The following RBM19 variants were observed in gnomAD, a reference collection of about 807,000 sequenced individuals.
RBM19 encodes the protein probable RNA-binding protein 19.
Under a neutral mutation model 116.8 loss-of-function variants are expected in RBM19, and 94 were observed. That is an observed-to-expected ratio of 0.80 (90% CI 0.68 to 0.95). The LOEUF is 0.95. Ranked by LOEUF, RBM19 falls within the 40% of genes least tolerant of loss-of-function variation. The pLI is 0.00. For synonymous variants in RBM19, 475 were observed against 494.1 expected (o/e 0.96, Z 0.51); for missense variants, 1,161 against 1,220.7 (o/e 0.95, Z 0.73).
chr12:113,947,235 T>C, intron 11 of RBM19, 99 bp downstream of exon 11: 3 of 1,398,988 alleles, frequency 2.1e-6, no homozygotes, highest in Non-Finnish European at 2.9e-6. Flanking sequence ...GCCCACAAAG[T>C]GGACGCCCGT....
chr12:113,961,753 C>T (rs541630526), intron 2 of RBM19, among the ~76,000 whole-genome samples: 1 of 152,330 alleles, frequency 6.6e-6, no homozygotes, highest in South Asian at 2.1e-4. Context: ...TGGGGCTCAC[C>T]CTATCATAGC....
chr12:113,923,673 C>T (rs561371830), intron 18 of RBM19, among the ~76,000 whole-genome samples: 1 of 152,250 alleles, frequency 6.6e-6, no homozygotes, highest in East Asian at 1.9e-4. Context: ...TGAGTGGCCT[C>T]TGAACACCTT....
chr12:113,872,417 C>CCAGCCGCCCCGT, intron 21 of RBM19, among the ~76,000 whole-genome samples: 1 of 145,824 alleles, frequency 6.9e-6, no homozygotes, highest in African/African-American at 2.5e-5. Context: ...CTCCGCCCGG[C>CCAGCCGCCCCGT]CAGCCGCCCC....
At chr12:113,933,595 C>T (rs1011997895) in intron 16 of RBM19, among the ~76,000 whole-genome samples, 7 of 152,200 alleles carry the variant, frequency 4.6e-5, no homozygotes, top group African/African-American at 7.2e-5. Flanking sequence ...AAAGCAGCCC[C>T]TCTGGGAGGT....
At chr12:113,828,284 T>G (rs997769123) in intron 23 of RBM19, among the ~76,000 whole-genome samples, 1 of 152,086 alleles carries the variant, frequency 6.6e-6, no homozygotes, top group African/African-American at 2.4e-5. Flanking sequence ...GAACCTGGAA[T>G]GGCTAACCTG....
At position 113,858,782 on chromosome 12, in the gene RBM19, C is replaced by A; in HGVS notation, c.2664+9G>T. ...CCTGGACAGGTGGGGAAGGGATTCA[C>A]GGTCTCACCTTCGCATCCTGCTTGG... On this transcript the variant is annotated intron_variant, in intron 22 of 23. Coordinates refer to ENST00000261741, the MANE Select transcript of RBM19 (RefSeq NM_016196.4). 1 of 1,613,134 alleles carries A rather than the reference C, an allele frequency of 6.2e-7. No homozygotes were observed. Among genetic ancestry groups the A allele is most frequent in the Non-Finnish European group, 8.5e-7 (1 of 1,179,418 alleles).
intron 23 of RBM19, among the ~76,000 whole-genome samples, chr12:113,829,044 G>A (rs1875134727): frequency 6.6e-6 from 1 of 151,780 alleles, no homozygotes; most frequent in African/African-American, 2.4e-5. Flanking sequence ...CTGTCACCCA[G>A]GTGAGTGCAG....
chr12:113,961,978 G>T (rs902989370), intron 2 of RBM19, among the ~76,000 whole-genome samples: 3 of 152,220 alleles, frequency 2.0e-5, no homozygotes, highest in African/African-American at 4.8e-5. Flanking sequence ...GTCACCTGAG[G>T]GCTTGTTGGA....
chr12:113,934,221 C>T (rs1195887569), intron 16 of RBM19, among the ~76,000 whole-genome samples: 1 of 152,210 alleles, frequency 6.6e-6, no homozygotes. Context: ...CCAAGATGCA[C>T]TGTGATTTAT....
At chr12:113,933,066 C>T (rs138800254) in intron 16 of RBM19, among the ~76,000 whole-genome samples, 3 of 152,148 alleles carry the variant, frequency 2.0e-5, no homozygotes, top group Non-Finnish European at 4.4e-5. Flanking sequence ...GACCTCCCCC[C>T]ACTCTGAGCC....
intron 21 of RBM19, among the ~76,000 whole-genome samples, chr12:113,902,338 A>C (rs1053348195): frequency 2.0e-5 from 3 of 152,146 alleles, no homozygotes; most frequent in African/African-American, 7.2e-5. Context: ...GTGGTGGCTC[A>C]CACCTGTAAT....
chr12:113,930,875 G>A (rs1869544434), intron 16 of RBM19, among the ~76,000 whole-genome samples: 1 of 152,172 alleles, frequency 6.6e-6, no homozygotes. Context: ...GGCAGGCCCA[G>A]TCCCAGCCCT....
At chr12:113,885,223 T>C (rs1880435489) in intron 21 of RBM19, among the ~76,000 whole-genome samples, 1 of 152,224 alleles carries the variant, frequency 6.6e-6, no homozygotes, top group African/African-American at 2.4e-5. Context: ...TTTAACCAAA[T>C]GATCAAAGAT....
At chr12:113,927,364 GA>G (rs1869182621) in intron 16 of RBM19, 135 bp from the exon 17 acceptor site, 7 of 1,062,330 alleles carry the variant, frequency 6.6e-6, no homozygotes, top group African/African-American at 6.4e-5. Flanking sequence ...GCAGTGGCAG[GA>G]AGGGGCACCG....
At chr12:113,952,421 T>A in intron 8 of RBM19, 91 bp downstream of exon 8, 2 of 1,166,638 alleles carry the variant, frequency 1.7e-6, no homozygotes, top group Non-Finnish European at 2.5e-6. Context: ...GAAAAACGGG[T>A]GCCCTTAAAA....
At chr12:113,910,956 A>G (rs1362657987) in intron 21 of RBM19, among the ~76,000 whole-genome samples, 1 of 152,134 alleles carries the variant, frequency 6.6e-6, no homozygotes, top group Non-Finnish European at 1.5e-5. Context: ...TGCCCTGGGC[A>G]CTTCCTGGTG....
chr12:113,956,054 G>T (rs1871910510), intron 6 of RBM19, among the ~76,000 whole-genome samples: 1 of 152,142 alleles, frequency 6.6e-6, no homozygotes, highest in Non-Finnish European at 1.5e-5. Context: ...AGAGGCTGAA[G>T]GAAGTAAAGT....
chr12:113,914,917 G>T, intron 21 of RBM19, 52 bp downstream of exon 21: 1 of 1,504,214 alleles, frequency 6.6e-7, no homozygotes, highest in Non-Finnish European at 9.3e-7. Flanking sequence ...TGAGACTCGG[G>T]CAGGCTCCCC....
chr12:113,908,434 C>T (rs768191439), intron 21 of RBM19, among the ~76,000 whole-genome samples: 2 of 151,924 alleles, frequency 1.3e-5, no homozygotes, highest in Non-Finnish European at 1.5e-5. Context: ...GATGGACAGA[C>T]GTTGCCCACA....
Sources: gnomAD v4.1 joint callset for allele counts (sites outside exome capture counted in the v4.1 genomes callset) on GRCh38, gnomAD v4.1.1 for gene constraint, MANE v1.5 for transcripts, NCBI Gene and HGNC (gene_info 2026-07-23, HGNC 2026-07-21) for gene names.